The following SUN1 variants were observed in gnomAD, a reference collection of about 807,000 sequenced individuals.
SUN1 encodes the protein Sad1 and UNC84 domain containing 1.
In SUN1, 61 loss-of-function variants were observed where a neutral mutation model predicts 103.2. That is an observed-to-expected ratio of 0.59 (90% CI 0.48 to 0.73). SUN1 has a LOEUF of 0.73. Ranked by LOEUF, SUN1 falls within the 30% of genes least tolerant of loss-of-function variation. The pLI is 0.00. For synonymous variants in SUN1, 490 were observed against 425.7 expected, an observed-to-expected ratio of 1.15 and a Z score of -1.86; for missense variants, 1,052 against 1,034.6, an observed-to-expected ratio of 1.02 and a Z score of -0.23.
intron 5 of SUN1, among the ~76,000 whole-genome samples, chr7:846,022 C>T (rs1173470753): frequency 4.6e-5 from 7 of 152,222 alleles, no homozygotes; most frequent in East Asian, 3.9e-4. Flanking sequence ...AATGCCATCA[C>T]GGTGTATGCA....
Position 842,001 on chromosome 7 carries a change from T to C in SUN1, c.322T>C (p.Ser108Pro). The change falls in exon 3 of 19, where the codon TCA becomes CCA. Residue 108 changes from serine (S) to proline (P), a missense_variant. Physicochemically the swap from Ser to Pro is moderately conservative, Grantham distance 74 (BLOSUM62 -1). Transcript: ENST00000401592. ...ATCAGCTTTTAGTATCAACCACGTGTCAAGGCAGGTCACGTCCTCTGGCGT... is the reference window on the plus strand; with the variant it reads ...ATCAGCTTTTAGTATCAACCACGTGCCAAGGCAGGTCACGTCCTCTGGCGT... ...NKSAFSINHV[S>P]RQVTSSGVSH... is the part of the protein sequence containing the mutation. 1 of 1,614,182 alleles carries C rather than the reference T, an allele frequency of 6.2e-7. No individual in the cohort carries two copies. The highest frequency in any genetic ancestry group is 8.5e-7 in the Non-Finnish European group (1 of 1,180,036).
chr7:832,695 G>A (rs886667915), intron 1 of SUN1, 94 bp downstream of exon 1: 71 of 905,462 alleles, frequency 7.8e-5, no homozygotes, highest in Middle Eastern at 2.4e-4. Context: ...TAGTACTACC[G>A]ACTACATGCT....
intron 1 of SUN1, among the ~76,000 whole-genome samples, chr7:821,968 A>T (rs1384670200): frequency 6.6e-6 from 1 of 152,134 alleles, no homozygotes; most frequent in Non-Finnish European, 1.5e-5. Context: ...GTGTTGTTTC[A>T]TTGATTGAAA....
rs141785480 is a variant in SUN1, at chr7:872,815, G to A, written c.2241+253G>A. Reference sequence around the variant, plus strand: ...TTAAAAAGTTAACTTCCAGCTGGGCGTGGTGGCTCACGTCTGTAATCCCAG... The same window carrying A: ...TTAAAAAGTTAACTTCCAGCTGGGCATGGTGGCTCACGTCTGTAATCCCAG... On this transcript the variant is annotated intron_variant, in intron 18 of 18. Coordinates refer to ENST00000401592, the MANE Select transcript of SUN1 (RefSeq NM_001130965.3). 5.8e-4 allele frequency among the ~76,000 whole-genome samples: 88 copies of A among 152,322 alleles called. 1 individual carries two copies. The East Asian group carries it at 0.012, about 20-fold the overall frequency.
intron 1 of SUN1, among the ~76,000 whole-genome samples, chr7:833,853 C>T (rs956931141): frequency 1.1e-4 from 17 of 151,756 alleles, no homozygotes; most frequent in South Asian, 2.1e-4. Flanking sequence ...TCCTTCAGAC[C>T]GTGCAGCATG....
At position 872,625 on chromosome 7, in the gene SUN1, GC is replaced by G. The variant is rs566615746; in HGVS notation, c.2241+66del. The G allele has an allele frequency of 9.1e-5, 121 of 1,335,540 alleles. No homozygotes were observed. The Admixed American group carries it at 1.1e-3, about 12-fold the overall frequency. 82.7% of individuals were successfully genotyped at this position (1,335,540 alleles called of 1,614,324 possible). ...TCCCACAACTTCTCGTGACAGCAGGGCCCAGCTGGCATCAACAGACTGGAAA... is the reference window on the plus strand; with the variant it reads ...TCCCACAACTTCTCGTGACAGCAGGGCCAGCTGGCATCAACAGACTGGAAA... On this transcript the variant is annotated intron_variant, in intron 18 of 18. Coordinates refer to ENST00000401592, the MANE Select transcript of SUN1 (RefSeq NM_001130965.3).
chr7:818,105 G>A (rs1247729662), intron 1 of SUN1, among the ~76,000 whole-genome samples: 1 of 151,904 alleles, frequency 6.6e-6, no homozygotes, highest in Non-Finnish European at 1.5e-5. Context: ...TAAAATACAC[G>A]TAACGTAAAA....
rs1216257378 is a variant in SUN1 at position 860,298 on chromosome 7, C to A, written c.1695C>A (p.His565Gln). 6.2e-7 allele frequency: 1 copy of A among 1,614,254 alleles called. No homozygotes were observed. The highest frequency in any genetic ancestry group is 2.2e-5 in the East Asian group (1 of 44,890). ...QLQILRNVTH[H>Q]VSVTKQLPTS... ...AGATCCTGCGGAACGTCACCCACCACGTTTCCGTGACCAAGCAGCTCCCAA... is the reference window on the plus strand; with the variant it reads ...AGATCCTGCGGAACGTCACCCACCAAGTTTCCGTGACCAAGCAGCTCCCAA... The change falls in exon 14 of 19, where the codon CAC (histidine) becomes CAA (glutamine). Residue 565 changes from histidine to glutamine, a missense_variant. Around this residue, in one of 2 missense-constraint regions of SUN1, gnomAD observed 846 missense variants for 774.5 expected, o/e 1.09. Coordinates refer to ENST00000401592, the MANE Select transcript of SUN1 (RefSeq NM_001130965.3).
intron 5 of SUN1, chr7:849,663 A>G (rs560234743): frequency 1.3e-6 from 2 of 1,511,526 alleles, no homozygotes; most frequent in Admixed American, 1.7e-5. Context: ...ACACGCTGTC[A>G]TGTTGGGTAC....
At chr7:820,605 A>G (rs1421576020) in intron 1 of SUN1, among the ~76,000 whole-genome samples, 2 of 152,168 alleles carry the variant, frequency 1.3e-5, no homozygotes, top group African/African-American at 2.4e-5. Flanking sequence ...AGTGTTGAAG[A>G]GCAGTGGTGA....
intron 1 of SUN1, among the ~76,000 whole-genome samples, chr7:835,262 G>A (rs1027864120): frequency 3.3e-5 from 5 of 152,248 alleles, no homozygotes; most frequent in African/African-American, 1.2e-4. Flanking sequence ...CCAGCCCGCT[G>A]TCCTGCACCA....
rs968742566 is a variant in SUN1 at position 874,853 on chromosome 7, A to G, written c.*1522A>G. Reference sequence around the variant, plus strand: ...TGCTTCTGCTGCTGCCACCAAATTGATAAGATGCTATTAAGAGGTTTAAAT... The same window carrying G: ...TGCTTCTGCTGCTGCCACCAAATTGGTAAGATGCTATTAAGAGGTTTAAAT... On this transcript the variant is annotated 3_prime_UTR_variant, in exon 19 of 19. Transcript: ENST00000401592. 3 of 152,244 alleles carry G rather than the reference A, an allele frequency of 2.0e-5. No individual in the cohort carries two copies. The highest frequency in any genetic ancestry group is 4.8e-5 in the African/African-American group (2 of 41,462). 9.4% of individuals were successfully genotyped at this position (152,244 alleles called of 1,614,324 possible).
chr7:848,206 C>T (rs997972356), intron 5 of SUN1, among the ~76,000 whole-genome samples: 1 of 152,040 alleles, frequency 6.6e-6, no homozygotes, highest in Non-Finnish European at 1.5e-5. Context: ...GGGGGTTACT[C>T]TGCAGTCCAG....
chr7:840,622 T>G (rs976771341), intron 2 of SUN1, among the ~76,000 whole-genome samples: 1 of 150,030 alleles, frequency 6.7e-6, no homozygotes, highest in Non-Finnish European at 1.5e-5. Context: ...GCAGAAATTA[T>G]TTTTTGACCA....
intron 1 of SUN1, among the ~76,000 whole-genome samples, chr7:835,439 G>C (rs910047174): frequency 1.3e-5 from 2 of 152,200 alleles, no homozygotes; most frequent in African/African-American, 4.8e-5. Context: ...GCTTCTTAAT[G>C]TATTTAGTCA....
chr7:867,913 G>A (rs766999267), intron 16 of SUN1, among the ~76,000 whole-genome samples: 2 of 152,178 alleles, frequency 1.3e-5, no homozygotes, highest in South Asian at 2.1e-4. Context: ...GTGACTCACC[G>A]GGCGTTTGGC....
chr7:853,378 A>G lies in SUN1; in HGVS notation c.1054-31A>G, dbSNP rs371899560. 3.7e-6 allele frequency: 6 copies of G among 1,610,532 alleles called. No homozygotes were observed. In the East Asian group the frequency reaches 6.7e-5, roughly 18 times the overall value. On this transcript the variant is annotated intron_variant, in intron 9 of 18. Transcript: ENST00000401592. ...ACTCTGTGCTCATGCTTGTTTGACT[A>G]CCTGGTTTCATTTCTCTCTTGCCAT...
At chr7:858,390 CT>C (rs10714763) in intron 13 of SUN1, among the ~76,000 whole-genome samples, 106,185 of 150,216 alleles carry the variant, frequency 0.71, 37,435 homozygotes, top group Admixed American at 0.77. Context: ...CCTTTAAAAA[CT>C]TTTTTTTTTT....
In SUN1 at chr7:873,200, C is replaced by A; in HGVS notation, c.2242-15C>A. The A allele has an allele frequency of 6.2e-7, 1 of 1,612,150 alleles. No individual in the cohort carries two copies. The highest frequency in any genetic ancestry group is 8.5e-7 in the Non-Finnish European group (1 of 1,178,334). ...TATGAAATACATGTGTGTGTTTTTCCCACCTTGATTTCAGAAAAGACCCGA... is the reference window on the plus strand; with the variant it reads ...TATGAAATACATGTGTGTGTTTTTCACACCTTGATTTCAGAAAAGACCCGA... On this transcript the variant is annotated splice_polypyrimidine_tract_variant and intron_variant, in intron 18 of 18. Transcript: ENST00000401592.
Sources: gnomAD v4.1 joint callset for allele counts (sites outside exome capture counted in the v4.1 genomes callset) on GRCh38, gnomAD v4.1.1 for gene constraint, gnomAD v4.1.1 regional missense constraint, MANE v1.5 for transcripts, NCBI Gene and HGNC (gene_info 2026-07-23, HGNC 2026-07-21) for gene names.